Variants in CTU2 observed in about 807,000 individuals in gnomAD.
The protein encoded by CTU2 is cytoplasmic tRNA 2-thiolation protein 2.
A neutral mutation model predicts 64.1 loss-of-function variants in CTU2; 80 were observed. The observed-to-expected ratio is 1.25, with a 90% CI of 1.04 to 1.50. The LOEUF (loss-of-function observed/expected upper bound fraction) is 1.50. Ranked by LOEUF, CTU2 falls within the 40% of genes most tolerant of loss-of-function variation. CTU2 has a pLI of 0.00. For synonymous variants in CTU2, 482 were observed against 285.3 expected (o/e 1.69, Z -6.95); for missense variants, 1,110 against 690.2 (o/e 1.61, Z -6.81).
In CTU2 at chr16:88,712,338, T is replaced by C; in HGVS notation, c.408T>C (p.Ile136=). 6.2e-7 allele frequency: 1 copy of C among 1,610,958 alleles called. No homozygotes were observed. Among genetic ancestry groups the C allele is most frequent in the African/African-American group, 1.3e-5 (1 of 75,004 alleles). The change falls in exon 6 of 15, where the codon ATT becomes ATC. Residue 136 remains isoleucine (I), a synonymous_variant. Transcript: ENST00000453996. ...RSKTLAEVKP[I]LQATGFPWHV... ...AGACCCTGGCCGAAGTGAAGCCCAT[T>C]CTGCAAGCAACTGGGTTCCCATGGC...
chr16:88,714,207 C>A lies in CTU2; in HGVS notation c.1077C>A (p.Ser359=). The A allele has an allele frequency of 6.2e-7, 1 of 1,604,926 alleles. No homozygotes were observed. Residue 359 remains serine (S), a synonymous_variant, in exon 10 of 15, where the codon TCC becomes TCA. Transcript: ENST00000453996. ...FILRLQTQFP[S]TVSTVYRTSE... is the part of the protein sequence containing the mutation. Reference sequence around the variant, plus strand: ...TCAGGCTGCAGACCCAGTTCCCCTCCACTGTCAGCACTGTGTACAGGTGTG... The same window carrying A: ...TCAGGCTGCAGACCCAGTTCCCCTCAACTGTCAGCACTGTGTACAGGTGTG...
intron 8 of CTU2, 83 bp from the exon 9 acceptor site, chr16:88,713,564 T>A: frequency 6.4e-7 from 1 of 1,566,438 alleles, no homozygotes; most frequent in Non-Finnish European, 8.7e-7. Flanking sequence ...TGGTGGGGTC[T>A]GTGACCTCCC....
In CTU2 at chr16:88,712,309, T is replaced by C; in HGVS notation, c.379T>C (p.Ser127Pro). 1 of 1,609,086 alleles carries C rather than the reference T, an allele frequency of 6.2e-7. No individual in the cohort carries two copies. Reference sequence around the variant, plus strand: ...CTGTGGCCAGAGCCTAGAGGAGAGATCAAAGACCCTGGCCGAAGTGAAGCC... The same window carrying C: ...CTGTGGCCAGAGCCTAGAGGAGAGACCAAAGACCCTGGCCGAAGTGAAGCC... ...AACGQSLEER[S>P]KTLAEVKPIL... Residue 127 changes from serine to proline, a missense_variant, in exon 6 of 15, where the codon TCA (serine) becomes CCA (proline). Physicochemically the swap from Ser to Pro is moderately conservative, Grantham distance 74. Coordinates refer to ENST00000453996, the MANE Select transcript of CTU2 (RefSeq NM_001012759.3).
chr16:88,714,682 T>C lies in CTU2; in HGVS notation c.1297T>C (p.Cys433Arg). The change falls in exon 12 of 15, where the codon TGC becomes CGC. Residue 433 changes from cysteine to arginine, a missense_variant. Coordinates refer to ENST00000453996, the MANE Select transcript of CTU2 (RefSeq NM_001012759.3). ...LTETRTPPGP[C>R]CSPGVGWAQR... ...TGAGACCCGGACACCCCCGGGGCCCTGCTGTTCTCCAGGGGTGGGCTGGGC... is the reference window on the plus strand; with the variant it reads ...TGAGACCCGGACACCCCCGGGGCCCCGCTGTTCTCCAGGGGTGGGCTGGGC... 6.2e-7 allele frequency: 1 copy of C among 1,612,220 alleles called. No individual in the cohort carries two copies. The highest frequency in any genetic ancestry group is 8.5e-7 in the Non-Finnish European group (1 of 1,179,678).
At chr16:88,710,184 G>T in intron 3 of CTU2, 39 bp from the exon 4 acceptor site, 2 of 1,612,234 alleles carry the variant, frequency 1.2e-6, no homozygotes, top group Non-Finnish European at 1.7e-6. Flanking sequence ...TGCCTGTGTT[G>T]GAGGTGCGGT....
rs1911804319 is a variant in CTU2 at position 88,714,926 on chromosome 16, G to A, written c.1419G>A (p.Leu473=). The A allele has an allele frequency of 6.2e-7, 1 of 1,612,516 alleles. No homozygotes were observed. The highest frequency in any genetic ancestry group is 1.3e-5 in the African/African-American group (1 of 74,940). ...CYSCRVNMKD[L]PSLDPLPPYI... is the part of the protein sequence containing the mutation. ...GCTGCCGCGTGAACATGAAGGACTT[G>A]GTGAGTACGTGCCCACCTGTCCTGG... The change falls in exon 13 of 15, where the codon TTG becomes TTA. Residue 473 remains leucine (L), a splice_region_variant and synonymous_variant. Transcript: ENST00000453996.
chr16:88,706,929 G>C (rs1196904016), intron 1 of CTU2: 1 of 584,988 alleles, frequency 1.7e-6, no homozygotes, highest in Non-Finnish European at 3.0e-6. Context: ...TGCCCCCTGA[G>C]CCGGCTTTTC....
Position 88,715,359 on chromosome 16 carries a change from A to ATAAAACATTTTTTAAT in CTU2, c.*114_*129dup. The stretch of plus-strand genomic sequence containing the variant: ...GGCCTCTGATTGTCCATTTGTATAA[A>ATAAAACATTTTTTAAT]TAAAACATTTTTTAATTAAAAAAAA... On this transcript the variant is annotated 3_prime_UTR_variant, in exon 15 of 15. Transcript: ENST00000453996. 1 of 1,240,656 alleles carries ATAAAACATTTTTTAAT rather than the reference A, an allele frequency of 8.1e-7. No homozygotes were observed. Among genetic ancestry groups the ATAAAACATTTTTTAAT allele is most frequent in the Non-Finnish European group, 1.1e-6 (1 of 904,746 alleles). 76.9% of individuals were successfully genotyped at this position (1,240,656 alleles called of 1,614,324 possible).
chr16:88,707,971 C>T (rs531112595), intron 2 of CTU2, among the ~76,000 whole-genome samples: 3 of 152,134 alleles, frequency 2.0e-5, no homozygotes, highest in South Asian at 4.2e-4. Flanking sequence ...CCATCATGCC[C>T]GGCCAATTGT....
rs1219996852 is a variant in CTU2 at position 88,714,215 on chromosome 16, G to C, written c.1085G>C (p.Ser362Thr). 6.3e-7 allele frequency: 1 copy of C among 1,586,064 alleles called. No individual in the cohort carries two copies. The highest frequency in any genetic ancestry group is 1.7e-4 in the Middle Eastern group (1 of 6,010). Residue 362 changes from serine (S) to threonine (T), a missense_variant, in exon 10 of 15, where the codon AGC (serine) becomes ACC (threonine). Transcript: ENST00000453996. ...CAGACCCAGTTCCCCTCCACTGTCA[G>C]CACTGTGTACAGGTGTGGGTGTGTG... ...RLQTQFPSTV[S>T]TVYRTSEKLV...
intron 2 of CTU2, among the ~76,000 whole-genome samples, chr16:88,707,519 G>C (rs1480157166): frequency 2.6e-5 from 4 of 152,084 alleles, no homozygotes; most frequent in African/African-American, 9.7e-5. Flanking sequence ...GGCGTTTGGG[G>C]GCAGCTGGAA....
Position 88,714,896 on chromosome 16 carries a change from C to T in CTU2, c.1389C>T (p.Cys463=). The T allele has an allele frequency of 1.9e-6, 3 of 1,612,636 alleles. No homozygotes were observed. Among genetic ancestry groups the T allele is most frequent in the African/African-American group, 2.7e-5 (2 of 75,062 alleles). ...AAGCCTGCATTGAGGAGCAGCTGTG[C>T]TACAGCTGCCGCGTGAACATGAAGG... is the stretch of plus-strand genomic sequence containing the variant. ...DPQACIEEQL[C]YSCRVNMKDL... The change falls in exon 13 of 15, where the codon TGC becomes TGT. Residue 463 remains cysteine, a synonymous_variant. Coordinates refer to ENST00000453996, the MANE Select transcript of CTU2 (RefSeq NM_001012759.3).
chr16:88,707,278 T>G, intron 2 of CTU2, 68 bp downstream of exon 2: 1 of 1,351,220 alleles, frequency 7.4e-7, no homozygotes, highest in Non-Finnish European at 1.1e-6. Flanking sequence ...AGCCGCAACT[T>G]GTGATGCTTT....
At chr16:88,714,968 C>G in intron 13 of CTU2, 42 bp downstream of exon 13, 2 of 1,590,416 alleles carry the variant, frequency 1.3e-6, no homozygotes, top group Non-Finnish European at 1.7e-6. Context: ...CTTGGGGACG[C>G]GGGAAGGCCG....
chr16:88,715,284 G>C lies in CTU2; in HGVS notation c.*33G>C. On this transcript the variant is annotated 3_prime_UTR_variant, in exon 15 of 15. Coordinates refer to ENST00000453996, the MANE Select transcript of CTU2 (RefSeq NM_001012759.3). ...GACGTGCTTGCCGGGACAGCAGGCA[G>C]TGGCCACCTGGTACACCACACTGGA... The C allele has an allele frequency of 1.9e-6, 3 of 1,602,762 alleles. No homozygotes were observed. The highest frequency in any genetic ancestry group is 1.1e-5 in the South Asian group (1 of 90,546).
Position 88,710,215 on chromosome 16 carries a change from T to C in CTU2, c.223-8T>C, listed in dbSNP as rs767261006. 65 of 1,613,830 alleles carry C rather than the reference T, an allele frequency of 4.0e-5. No individual in the cohort carries two copies. Among genetic ancestry groups the C allele is most frequent in the African/African-American group, 5.3e-5 (4 of 74,878 alleles). ...GCGGTGCCCTGAGTGATGTTTTTTC[T>C]CCCCCAGGTGCTCTTGGCGTGGTCT... On this transcript the variant is annotated splice_polypyrimidine_tract_variant and splice_region_variant and intron_variant, in intron 3 of 14. Coordinates refer to ENST00000453996, the MANE Select transcript of CTU2 (RefSeq NM_001012759.3).
chr16:88,712,908 G>A lies in CTU2; in HGVS notation c.737+3G>A, dbSNP rs953907178. On this transcript the variant is annotated splice_donor_region_variant and intron_variant, in intron 7 of 14. Coordinates refer to ENST00000453996, the MANE Select transcript of CTU2 (RefSeq NM_001012759.3). ...GAGGAGCTTCTGCAGACCCTGCGGT[G>A]AGGCCCCGAGAGCCCCCCTTCCCCG... The A allele has an allele frequency of 6.9e-7, 1 of 1,450,716 alleles. No homozygotes were observed. The highest frequency in any genetic ancestry group is 9.0e-7 in the Non-Finnish European group (1 of 1,106,758). 89.9% of individuals were successfully genotyped at this position (1,450,716 alleles called of 1,614,324 possible).
intron 2 of CTU2, chr16:88,709,638 T>C: frequency 2.4e-6 from 1 of 422,372 alleles, no homozygotes; most frequent in Non-Finnish European, 4.3e-6. Context: ...TGGGCCCTTC[T>C]GAGCGCCTGT....
At chr16:88,708,202 G>A (rs186981975) in intron 2 of CTU2, among the ~76,000 whole-genome samples, 1 of 152,348 alleles carries the variant, frequency 6.6e-6, no homozygotes, top group Admixed American at 6.5e-5. Context: ...AGAGGCTGCT[G>A]TGGCTGTATG....
Sources: gnomAD v4.1 joint callset for allele counts (sites outside exome capture counted in the v4.1 genomes callset) on GRCh38, gnomAD v4.1.1 for gene constraint, MANE v1.5 for transcripts, NCBI Gene and HGNC (gene_info 2026-07-23, HGNC 2026-07-21) for gene names.